The following HNRNPL variants were observed in gnomAD, a reference collection of about 807,000 sequenced individuals.
HNRNPL encodes heterogeneous nuclear ribonucleoprotein L.
A neutral mutation model predicts 64.0 loss-of-function variants in HNRNPL; 12 were observed. The ratio of observed to expected loss-of-function variants is 0.19; its 90% CI spans 0.12 to 0.30. The LOEUF (loss-of-function observed/expected upper bound fraction) is 0.30, where lower values mean the gene tolerates loss of function less well. Ranked by LOEUF, HNRNPL falls within the 10% of genes least tolerant of loss-of-function variation. The pLI, the probability that HNRNPL is intolerant of heterozygous loss-of-function variation, is 1.00. For missense variants in HNRNPL, 484 were observed against 797.4 expected (o/e 0.61, Z 4.73); for synonymous variants, 385 against 313.0 (o/e 1.23, Z -2.43).
chr19:38,851,463 A>G (rs1289592377), upstream of HNRNPL, among the ~76,000 whole-genome samples: 1 of 152,200 alleles, frequency 6.6e-6, no homozygotes, highest in African/African-American at 2.4e-5. Context: ...GCTATTGGCA[A>G]GTGACGATAT....
chr19:38,838,430 G>T lies in HNRNPL; in HGVS notation c.1524C>A (p.Ala508=). 1 of 1,613,104 alleles carries T rather than the reference G, an allele frequency of 6.2e-7. No homozygotes were observed. Among genetic ancestry groups the T allele is most frequent in the Non-Finnish European group, 8.5e-7 (1 of 1,179,060 alleles). Residue 508 remains alanine (A), a synonymous_variant, in exon 10 of 13, where the codon GCC becomes GCA. Coordinates refer to ENST00000221419, the MANE Select transcript of HNRNPL (RefSeq NM_001533.3). The stretch of plus-strand genomic sequence containing the variant: ...AGTTCTCCTCGGTCACCTCCAGCGG[G>T]GCGTTGAAGAAGTGCAGCACGTTGC... ...HPSNVLHFFN[A]PLEVTEENFF...
chr19:38,847,082 A>C (rs1389901797), intron 2 of HNRNPL, among the ~76,000 whole-genome samples: 1 of 152,182 alleles, frequency 6.6e-6, no homozygotes, highest in Non-Finnish European at 1.5e-5. Flanking sequence ...CTGTCTGAAA[A>C]AGAGAACACT....
At chr19:38,850,582 C>T (rs1366629960), upstream of HNRNPL, among the ~76,000 whole-genome samples, 2 of 152,282 alleles carry the variant, frequency 1.3e-5, no homozygotes, top group South Asian at 4.1e-4. Context: ...GTGCAGTATA[C>T]GAAACGAGCG....
At chr19:38,846,785 G>A (rs1277485280) in intron 2 of HNRNPL, among the ~76,000 whole-genome samples, 1 of 152,162 alleles carries the variant, frequency 6.6e-6, no homozygotes, top group Non-Finnish European at 1.5e-5. Flanking sequence ...GCCAGCGCCT[G>A]TGGTCCCAGC....
In HNRNPL at chr19:38,842,913, C is replaced by T. The variant is rs144954151; in HGVS notation, c.880+929G>A. On this transcript the variant is annotated intron_variant, in intron 6 of 12. Transcript: ENST00000221419. ...TTAGCAGTCATGTAATGCCATTGCCCGCTCTGGTACATTCACTTGGTCACC... is the reference window on the plus strand; with the variant it reads ...TTAGCAGTCATGTAATGCCATTGCCTGCTCTGGTACATTCACTTGGTCACC... Among the ~76,000 whole-genome samples the T allele has an allele frequency of 2.1e-3, 319 of 152,290 alleles. 1 individual carries two copies. Among genetic ancestry groups the T allele is most frequent in the South Asian group, 0.016 (79 of 4,830 alleles).
chr19:38,840,396 G>C lies in HNRNPL; in HGVS notation c.953-20C>G. On this transcript the variant is annotated intron_variant, in intron 7 of 12. Transcript: ENST00000221419. The stretch of plus-strand genomic sequence containing the variant: ...GCCCTCCTGGGGGGTGGGAAGGAAA[G>C]AGAGGGAGGACGGGTGAGAATTTGC... 6.4e-7 allele frequency: 1 copy of C among 1,565,572 alleles called. No individual in the cohort carries two copies. The highest frequency in any genetic ancestry group is 8.7e-7 in the Non-Finnish European group (1 of 1,155,054).
chr19:38,849,796 G>A lies in HNRNPL; in HGVS notation c.171C>T (p.Ala57=). 2.2e-6 allele frequency: 3 copies of A among 1,382,086 alleles called. No homozygotes were observed. The highest frequency in any genetic ancestry group is 1.9e-6 in the Non-Finnish European group (2 of 1,027,656). The allele number at this position is 1,382,086 out of a possible 1,614,324, so 85.6% of individuals were successfully genotyped here. A position where few individuals can be genotyped will look rare whatever the true frequency, so the allele number is the denominator to read the frequency against. The change falls in exon 1 of 13, where the codon GCC becomes GCT. Residue 57 remains alanine (A), a synonymous_variant. Transcript: ENST00000221419. ...CGTTGTCAGTCTTGAGCCGCTTAGG[G>A]GCCCGGCCGCCCTCACTGCCGCCGC... The part of the protein sequence containing the change: ...YYGGGSEGGR[A]PKRLKTDNAG...
chr19:38,849,989 C>G, upstream of HNRNPL: 1 of 1,325,420 alleles, frequency 7.5e-7, no homozygotes, highest in Non-Finnish European at 9.7e-7. Flanking sequence ...CCCGCCTCCC[C>G]CCGCCTCTCA....
At chr19:38,850,392 ACAAGGAAGCCCCGCC>A (rs1306134052), upstream of HNRNPL, 2 of 171,102 alleles carry the variant, frequency 1.2e-5, no homozygotes, top group Non-Finnish European at 2.5e-5. Flanking sequence ...TCGCAAGGAG[ACAAGGAAGCCCCGCC>A]CTTTTTTGGT....
chr19:38,848,162 TCCA>T (rs1972364830), intron 1 of HNRNPL, among the ~76,000 whole-genome samples: 1 of 152,182 alleles, frequency 6.6e-6, no homozygotes, highest in African/African-American at 2.4e-5. Flanking sequence ...GTGATCTTAG[TCCA>T]CTGCAACCTC....
intron 1 of HNRNPL, 105 bp downstream of exon 1, chr19:38,849,595 C>A (rs1050301437): frequency 2.0e-4 from 258 of 1,273,866 alleles, no homozygotes; most frequent in Non-Finnish European, 2.4e-4. Flanking sequence ...GACGCGATGG[C>A]CTGGGCGCGT....
Position 38,836,714 on chromosome 19 carries a change from G to T in HNRNPL, c.*8C>A. On this transcript the variant is annotated 3_prime_UTR_variant, in exon 13 of 13. Transcript: ENST00000221419. Reference sequence around the variant, plus strand: ...CCTGCTCAGATGGGACTCTTCCTAGGCACCTAATTAGGAGGCGTGCTGAGC... The same window carrying T: ...CCTGCTCAGATGGGACTCTTCCTAGTCACCTAATTAGGAGGCGTGCTGAGC... 6.3e-7 allele frequency: 1 copy of T among 1,599,166 alleles called. No individual in the cohort carries two copies. The highest frequency in any genetic ancestry group is 8.6e-7 in the Non-Finnish European group (1 of 1,169,346).
chr19:38,838,732 A>C (rs1972012216), intron 9 of HNRNPL, 134 bp from the exon 10 acceptor site: 4 of 1,302,848 alleles, frequency 3.1e-6, no homozygotes, highest in Non-Finnish European at 4.4e-6. Context: ...AGGCTGACTC[A>C]CTTTCTCCTG....
Position 38,845,528 on chromosome 19 carries a change from G to A in HNRNPL, c.710+122C>T, listed in dbSNP as rs114044401. Reference sequence around the variant, plus strand: ...TACTCAGTCACTGGGCTCTGTGAAGGCATCTGGCACATGGCAGCCACTCCC... The same window carrying A: ...TACTCAGTCACTGGGCTCTGTGAAGACATCTGGCACATGGCAGCCACTCCC... On this transcript the variant is annotated intron_variant, in intron 4 of 12. Coordinates refer to ENST00000221419, the MANE Select transcript of HNRNPL (RefSeq NM_001533.3). 684 of 762,724 alleles carry A rather than the reference G, an allele frequency of 9.0e-4. 1 individual carries two copies. The African/African-American group carries it at 0.011, about 12-fold the overall frequency. The allele number at this position is 762,724 out of a possible 1,614,324, so 47.2% of individuals were successfully genotyped here.
intron 1 of HNRNPL, 42 bp downstream of exon 1, chr19:38,849,658 C>A: frequency 7.7e-7 from 1 of 1,306,832 alleles, no homozygotes; most frequent in Admixed American, 3.7e-5. Flanking sequence ...GAAATTGTCC[C>A]CCAGTTCCCG....
chr19:38,843,927 G>C lies in HNRNPL; in HGVS notation c.808-13C>G. The C allele has an allele frequency of 1.2e-6, 2 of 1,613,848 alleles. No individual in the cohort carries two copies. The highest frequency in any genetic ancestry group is 1.7e-6 in the Non-Finnish European group (2 of 1,179,718). On this transcript the variant is annotated splice_polypyrimidine_tract_variant and intron_variant, in intron 5 of 12. Coordinates refer to ENST00000221419, the MANE Select transcript of HNRNPL (RefSeq NM_001533.3). ...TCAAGCGTGTAGGCTGCAAGGACAG[G>C]ACAAGACAAGACTTGAGGTCAGCCA...
intron 2 of HNRNPL, among the ~76,000 whole-genome samples, chr19:38,846,575 C>G (rs1318543255): frequency 2.0e-5 from 3 of 152,132 alleles, no homozygotes; most frequent in Non-Finnish European, 4.4e-5. Context: ...AGTTTGAGAC[C>G]AGCCTGGCCA....
intron 8 of HNRNPL, 168 bp from the exon 9 acceptor site, chr19:38,839,183 G>C (rs1001410739): frequency 4.1e-6 from 3 of 733,114 alleles, no homozygotes; most frequent in South Asian, 1.8e-5. Context: ...TCAACCCATA[G>C]TGAGAAGCAG....
chr19:38,841,636 T>A, intron 6 of HNRNPL: 1 of 1,284,228 alleles, frequency 7.8e-7, no homozygotes, highest in Non-Finnish European at 1.0e-6. Context: ...AACAGTGAGT[T>A]AGCACAGTTC....
Sources: allele counts gnomAD v4.1 joint callset (sites outside exome capture counted in the v4.1 genomes callset), GRCh38; gene constraint gnomAD v4.1.1; transcripts MANE v1.5; gene names NCBI Gene and HGNC (gene_info 2026-07-23, HGNC 2026-07-21).